PTPRQ: variants seen among roughly 807,000 people sequenced by gnomAD.
The protein encoded by PTPRQ is protein tyrosine phosphatase receptor type Q.
A neutral mutation model predicts 246.0 loss-of-function variants in PTPRQ; 199 were observed. The ratio of observed to expected loss-of-function variants is 0.81; its 90% CI spans 0.72 to 0.91. PTPRQ has a LOEUF of 0.91. Ranked by LOEUF, PTPRQ falls within the 40% of genes least tolerant of loss-of-function variation. The pLI, the probability that PTPRQ is intolerant of heterozygous loss-of-function variation, is 0.00. For missense variants in PTPRQ, 2,624 were observed against 2,528.4 expected, an observed-to-expected ratio of 1.04 and a Z score of -0.81; for synonymous variants, 869 against 853.2, an observed-to-expected ratio of 1.02 and a Z score of -0.32.
chr12:80,551,273 C>T (rs1324988511), intron 25 of PTPRQ, among the ~76,000 whole-genome samples: 2 of 152,036 alleles, frequency 1.3e-5, no homozygotes, highest in Non-Finnish European at 2.9e-5. Context: ...GGACCCCAAG[C>T]CTCATAGTTT....
intron 6 of PTPRQ, chr12:80,462,139 G>A (rs1056546838): frequency 4.6e-6 from 2 of 437,954 alleles, no homozygotes; most frequent in African/African-American, 4.2e-5. Flanking sequence ...ATGGCACCTG[G>A]AAAATCCAGT....
At chr12:80,606,578 G>A (rs76064896) in intron 27 of PTPRQ, among the ~76,000 whole-genome samples, 2,152 of 151,006 alleles carry the variant, frequency 0.014, 60 homozygotes, top group African/African-American at 0.049. Context: ...TTTTCTAATA[G>A]CATCTTATGC....
At chr12:80,590,694 A>C (rs990965189) in intron 26 of PTPRQ, among the ~76,000 whole-genome samples, 1 of 147,862 alleles carries the variant, frequency 6.8e-6, no homozygotes, top group East Asian at 2.0e-4. Flanking sequence ...AAAAAAAACT[A>C]TCCAATGTAC....
intron 3 of PTPRQ, among the ~76,000 whole-genome samples, chr12:80,457,032 T>C (rs566839973): frequency 2.0e-5 from 3 of 152,180 alleles, no homozygotes; most frequent in Admixed American, 6.5e-5. Context: ...TTTCTTTTTC[T>C]ATTCTAGTCT....
intron 33 of PTPRQ, among the ~76,000 whole-genome samples, chr12:80,628,473 A>C (rs1168008684): frequency 6.6e-6 from 1 of 152,214 alleles, no homozygotes; most frequent in Non-Finnish European, 1.5e-5. Flanking sequence ...TTTGTGCAGT[A>C]AAATTATAAA....
In PTPRQ at chr12:80,586,020, T is replaced by C. The variant is rs574349679; in HGVS notation, c.4286-2109T>C. Among the ~76,000 whole-genome samples, 78 of 150,710 alleles carry C rather than the reference T, an allele frequency of 5.2e-4. 1 individual carries two copies. Among genetic ancestry groups the C allele is most frequent in the African/African-American group, 1.8e-3 (76 of 41,408 alleles). On this transcript the variant is annotated intron_variant, in intron 25 of 44. Transcript: ENST00000644991. ...TGTTCTTGCGATAGTTTACTGAGAA[T>C]GATGATTTCCAATTTCACCCATGTC...
intron 14 of PTPRQ, among the ~76,000 whole-genome samples, chr12:80,505,545 T>C (rs1894929660): frequency 6.6e-6 from 1 of 151,870 alleles, no homozygotes. Flanking sequence ...TGATATCCCA[T>C]ATTCTTGGGA....
At chr12:80,501,228 A>T (rs1894790080) in intron 14 of PTPRQ, among the ~76,000 whole-genome samples, 1 of 151,938 alleles carries the variant, frequency 6.6e-6, no homozygotes, top group African/African-American at 2.4e-5. Flanking sequence ...TTTGGAGTTT[A>T]ATTTTAATGA....
At position 80,588,372 on chromosome 12, in the gene PTPRQ, A is replaced by G. The variant is rs1198129911; in HGVS notation, c.4529A>G (p.Tyr1510Cys). ...TATGGATTAAAGAAATTTAGATGGT[A>G]TAGATTCCAAGTGGCTGCCAGCACC... ...TVYGLKKFRW[Y>C]RFQVAASTNA... is the part of the protein sequence containing the mutation. Residue 1510 changes from tyrosine to cysteine, a missense_variant, in exon 26 of 45, where the codon TAT becomes TGT. Coordinates refer to ENST00000644991, the MANE Select transcript of PTPRQ (RefSeq NM_001145026.2). 2 of 1,539,218 alleles carry G rather than the reference A, an allele frequency of 1.3e-6. No homozygotes were observed. Among genetic ancestry groups the G allele is most frequent in the African/African-American group, 2.8e-5 (2 of 72,598 alleles).
At chr12:80,658,195 C>T (rs564916121) in intron 39 of PTPRQ, 134 bp downstream of exon 39, 13 of 488,254 alleles carry the variant, frequency 2.7e-5, no homozygotes, top group African/African-American at 2.6e-4. Flanking sequence ...TTTACAGCCA[C>T]ATTGTGTACC....
chr12:80,665,431 C>G (rs1900754829), intron 39 of PTPRQ, among the ~76,000 whole-genome samples: 1 of 151,984 alleles, frequency 6.6e-6, no homozygotes, highest in South Asian at 2.1e-4. Flanking sequence ...GTTTGGACTT[C>G]TTACTGAATT....
At chr12:80,455,883 G>A (rs1038897772) in intron 3 of PTPRQ, among the ~76,000 whole-genome samples, 3 of 152,018 alleles carry the variant, frequency 2.0e-5, no homozygotes, top group Non-Finnish European at 4.4e-5. Context: ...ACAGGTGTGA[G>A]CCACCGCGCC....
chr12:80,657,134 A>G (rs897428226), intron 38 of PTPRQ, among the ~76,000 whole-genome samples: 5 of 151,854 alleles, frequency 3.3e-5, no homozygotes, highest in African/African-American at 7.2e-5. Context: ...TAATATGACA[A>G]AAGGCGATAT....
chr12:80,661,215 AT>A (rs769006958), intron 39 of PTPRQ, among the ~76,000 whole-genome samples: 185 of 98,788 alleles, frequency 1.9e-3, no homozygotes, highest in Admixed American at 7.4e-4. Context: ...AAAGGAAAAA[AT>A]ATATATATAT....
At chr12:80,574,706 G>C (rs980125879) in intron 25 of PTPRQ, among the ~76,000 whole-genome samples, 20 of 152,100 alleles carry the variant, frequency 1.3e-4, no homozygotes, top group African/African-American at 4.8e-4. Flanking sequence ...CTTCCCTGTA[G>C]TTTCTGCTGT....
chr12:80,632,898 T>C (rs1899493631), intron 34 of PTPRQ, among the ~76,000 whole-genome samples: 1 of 152,170 alleles, frequency 6.6e-6, no homozygotes, highest in African/African-American at 2.4e-5. Flanking sequence ...TGTTCACGAA[T>C]GGCATGGGCA....
intron 7 of PTPRQ, 87 bp from the exon 8 acceptor site, chr12:80,472,008 TAACACTTGAA>T (rs1173153085): frequency 3.1e-5 from 45 of 1,454,434 alleles, no homozygotes; most frequent in Non-Finnish European, 3.6e-5. Flanking sequence ...GTGCATAGGT[TAACACTTGAA>T]TTGTTGTCTT....
chr12:80,482,447 T>A (rs1894103160), intron 8 of PTPRQ, among the ~76,000 whole-genome samples: 2 of 151,906 alleles, frequency 1.3e-5, no homozygotes, highest in South Asian at 4.2e-4. Context: ...GGCAATACCA[T>A]TCAGGACATA....
intron 35 of PTPRQ, among the ~76,000 whole-genome samples, chr12:80,642,918 T>TCAAAAAAAA (rs1400331385): frequency 4.0e-4 from 28 of 69,368 alleles, no homozygotes; most frequent in African/African-American, 3.2e-3. Flanking sequence ...AGACTCCGTC[T>TCAAAAAAAA]TAAAAAAAAA....
Sources: gnomAD v4.1 joint callset for allele counts (sites outside exome capture counted in the v4.1 genomes callset) on GRCh38, gnomAD v4.1.1 for gene constraint, MANE v1.5 for transcripts, NCBI Gene and HGNC (gene_info 2026-07-23, HGNC 2026-07-21) for gene names.